The following PRTG variants were observed in gnomAD, a reference collection of about 807,000 sequenced individuals.
The protein encoded by PRTG is immunoglobulin superfamily, DCC subclass, member 5.
In PRTG, 67 loss-of-function variants were observed where a neutral mutation model predicts 122.5. The observed-to-expected ratio is 0.55, with a 90% CI of 0.45 to 0.67. The LOEUF (loss-of-function observed/expected upper bound fraction) is 0.67, where lower values mean the gene tolerates loss of function less well. PRTG is among the 30% of genes least tolerant of loss of function. PRTG has a pLI of 0.00. For missense variants in PRTG, 1,435 were observed against 1,415.4 expected (o/e 1.01, Z -0.22); for synonymous variants, 554 against 501.1 (o/e 1.11, Z -1.41).
At chr15:55,699,334 A>G (rs1331468679) in intron 2 of PRTG, among the ~76,000 whole-genome samples, 1 of 152,148 alleles carries the variant, frequency 6.6e-6, no homozygotes. Context: ...TGAATACTCA[A>G]CAAGAGAACA....
At chr15:55,648,605 G>C (rs1043838698) in intron 11 of PRTG, among the ~76,000 whole-genome samples, 1 of 152,162 alleles carries the variant, frequency 6.6e-6, no homozygotes, top group Non-Finnish European at 1.5e-5. Flanking sequence ...TCCAGGTGCT[G>C]AGGTTGGGAG....
chr15:55,631,891 G>A (rs1404717875), intron 15 of PRTG, among the ~76,000 whole-genome samples: 1 of 152,050 alleles, frequency 6.6e-6, no homozygotes, highest in East Asian at 1.9e-4. Flanking sequence ...CTTTACCTCC[G>A]ACTCCTCTTC....
chr15:55,720,059 CAAAAA>C (rs1364609518), intron 2 of PRTG, among the ~76,000 whole-genome samples: 5 of 151,120 alleles, frequency 3.3e-5, no homozygotes, highest in Admixed American at 6.6e-5. Context: ...AACTTCATCT[CAAAAA>C]GAAAAGAAAA....
chr15:55,664,935 G>A (rs1567089495), intron 11 of PRTG, among the ~76,000 whole-genome samples: 1 of 151,916 alleles, frequency 6.6e-6, no homozygotes, highest in Non-Finnish European at 1.5e-5. Context: ...ATGTCTTCAC[G>A]AGGAGTTAGG....
At chr15:55,674,442 C>A (rs1292103820) in intron 9 of PRTG, among the ~76,000 whole-genome samples, 10 of 152,132 alleles carry the variant, frequency 6.6e-5, no homozygotes, top group African/African-American at 2.4e-4. Flanking sequence ...CTCACACACA[C>A]ACAAAATCTA....
At chr15:55,695,927 C>T (rs186924092) in intron 2 of PRTG, among the ~76,000 whole-genome samples, 2 of 151,794 alleles carry the variant, frequency 1.3e-5, no homozygotes, top group African/African-American at 4.8e-5. Context: ...GCCGAGATTG[C>T]ACCATTGCAC....
chr15:55,673,603 G>C lies in PRTG; in HGVS notation c.1620C>G (p.Ile540Met). Reference sequence around the variant, plus strand: ...CTTGGCCCCGCCGATATTTGGCTGGGATTGGCAGCCAGGAGATGAGAATAT... The same window carrying C: ...CTTGGCCCCGCCGATATTTGGCTGGCATTGGCAGCCAGGAGATGAGAATAT... ...PTDILISWLP[I>M]PAKYRRGQVV... The change falls in exon 10 of 20, where the codon ATC becomes ATG. Residue 540 changes from isoleucine (I) to methionine (M), a missense_variant. Coordinates refer to ENST00000389286, the MANE Select transcript of PRTG (RefSeq NM_173814.6). The C allele has an allele frequency of 6.2e-7, 1 of 1,614,130 alleles. No homozygotes were observed. The highest frequency in any genetic ancestry group is 8.5e-7 in the Non-Finnish European group (1 of 1,179,954).
At chr15:55,718,339 T>A (rs775368832) in intron 2 of PRTG, among the ~76,000 whole-genome samples, 9 of 152,018 alleles carry the variant, frequency 5.9e-5, no homozygotes, top group Non-Finnish European at 1.2e-4. Context: ...CCCTCCCTAG[T>A]CTCTGTTCCC....
At chr15:55,687,804 G>C (rs976802640) in intron 2 of PRTG, among the ~76,000 whole-genome samples, 2 of 152,162 alleles carry the variant, frequency 1.3e-5, no homozygotes, top group African/African-American at 2.4e-5. Flanking sequence ...TGGCAAAATA[G>C]TTTCGTGGAG....
At chr15:55,656,318 T>C (rs1230462189) in intron 11 of PRTG, 1 of 455,162 alleles carries the variant, frequency 2.2e-6, no homozygotes, top group South Asian at 1.6e-5. Context: ...TGTCTCACAA[T>C]CCGGACTTAT....
chr15:55,624,039 C>T (rs1335731748), intron 18 of PRTG, among the ~76,000 whole-genome samples: 6 of 152,022 alleles, frequency 3.9e-5, no homozygotes, highest in Admixed American at 3.9e-4. Flanking sequence ...CCATGGTGTC[C>T]TTGGTTAAAA....
intron 11 of PRTG, among the ~76,000 whole-genome samples, chr15:55,657,072 A>G (rs894492692): frequency 1.3e-5 from 2 of 152,232 alleles, no homozygotes; most frequent in Non-Finnish European, 2.9e-5. Context: ...GCACTGGAAT[A>G]CAGTATACCA....
intron 11 of PRTG, among the ~76,000 whole-genome samples, chr15:55,664,605 C>T (rs1222403362): frequency 2.6e-5 from 4 of 151,956 alleles, no homozygotes; most frequent in Admixed American, 1.3e-4. Context: ...GTTTTTGAGA[C>T]AGGGTCTCAC....
intron 2 of PRTG, among the ~76,000 whole-genome samples, chr15:55,712,553 G>C (rs1472882816): frequency 6.6e-6 from 1 of 152,108 alleles, no homozygotes; most frequent in Non-Finnish European, 1.5e-5. Flanking sequence ...GCATGATCTG[G>C]TTATTATAAT....
chr15:55,738,874 C>G (rs1017954846), intron 2 of PRTG, among the ~76,000 whole-genome samples: 1 of 112,614 alleles, frequency 8.9e-6, no homozygotes, highest in African/African-American at 3.7e-5. Context: ...AAGGAAGGGA[C>G]AGGAGGAAAA....
At chr15:55,703,147 T>C (rs550512567) in intron 2 of PRTG, among the ~76,000 whole-genome samples, 16 of 152,302 alleles carry the variant, frequency 1.1e-4, no homozygotes, top group African/African-American at 3.6e-4. Context: ...TGCTGAACAT[T>C]TGAGTACTTC....
intron 11 of PRTG, among the ~76,000 whole-genome samples, chr15:55,664,019 G>A (rs2059424137): frequency 6.6e-6 from 1 of 152,284 alleles, no homozygotes. Flanking sequence ...CAGATGTACT[G>A]CAGTTTATCT....
chr15:55,627,596 T>C (rs2059202908), intron 16 of PRTG, among the ~76,000 whole-genome samples: 1 of 149,986 alleles, frequency 6.7e-6, no homozygotes, highest in African/African-American at 2.4e-5. Flanking sequence ...TGCCTCGGCC[T>C]CCCAAAGTGC....
intron 2 of PRTG, among the ~76,000 whole-genome samples, chr15:55,718,320 C>T (rs1402601494): frequency 4.6e-5 from 7 of 152,122 alleles, no homozygotes; most frequent in African/African-American, 1.7e-4. Context: ...CATTCTTTTA[C>T]ACATCCGTCC....
Sources: allele counts gnomAD v4.1 joint callset (sites outside exome capture counted in the v4.1 genomes callset), GRCh38; gene constraint gnomAD v4.1.1; transcripts MANE v1.5; gene names NCBI Gene and HGNC (gene_info 2026-07-23, HGNC 2026-07-21).